The following SH3KBP1 variants were observed in gnomAD, a reference collection of about 807,000 sequenced individuals.
The protein encoded by SH3KBP1 is SH3 domain-containing kinase-binding protein 1.
In SH3KBP1, 8 loss-of-function variants were observed where a neutral mutation model predicts 50.1. The ratio of observed to expected loss-of-function variants is 0.16; its 90% confidence interval spans 0.09 to 0.29. The LOEUF (loss-of-function observed/expected upper bound fraction) is 0.29. Ranked by LOEUF, SH3KBP1 falls within the 10% of genes least tolerant of loss-of-function variation. The pLI is 1.00. For missense variants in SH3KBP1, 377 were observed against 535.2 expected (o/e 0.70, Z 2.92); for synonymous variants, 227 against 218.6 (o/e 1.04, Z -0.34).
At chrX:19,694,897 C>T (rs748714297) in intron 5 of SH3KBP1, 4 of 731,174 alleles carry the variant, frequency 5.5e-6, no homozygotes, top group South Asian at 2.4e-5. Flanking sequence ...CCTCCTACAA[C>T]ATTCATGCCC....
At chrX:19,730,930 T>C (rs1006741121) in intron 3 of SH3KBP1, among the ~76,000 whole-genome samples, 1 of 111,916 alleles carries the variant, frequency 8.9e-6, no homozygotes, top group Non-Finnish European at 1.9e-5. Flanking sequence ...TTTTATTTTA[T>C]TTTATTTATT....
chrX:19,660,470 G>A (rs978646100), intron 6 of SH3KBP1, among the ~76,000 whole-genome samples: 7 of 111,597 alleles, frequency 6.3e-5, no homozygotes, highest in African/African-American at 2.0e-4. Flanking sequence ...GGAGGAAAGC[G>A]ATAACTGAAA....
intron 13 of SH3KBP1, among the ~76,000 whole-genome samples, chrX:19,562,291 G>A (rs757295737): frequency 1.4e-4 from 16 of 111,267 alleles, no homozygotes; most frequent in Middle Eastern, 4.7e-3. Flanking sequence ...CAAGTAAAAC[G>A]GAAGCCATAA....
chrX:19,592,144 G>C lies in SH3KBP1; in HGVS notation c.1061C>G (p.Thr354Ser). The change falls in exon 11 of 18, where the codon ACC becomes AGC. Residue 354 changes from threonine to serine, a missense_variant. Coordinates refer to ENST00000397821, the MANE Select transcript of SH3KBP1 (RefSeq NM_031892.3). ...TTTAATTTCATGTTTTCTCTCAGTGGTGCCTAGGAGGGAAAGGGTAATAGT... is the reference window on the plus strand; with the variant it reads ...TTTAATTTCATGTTTTCTCTCAGTGCTGCCTAGGAGGGAAAGGGTAATAGT... ...SAPVIKQGAG[T>S]TERKHEIKKI... The C allele has an allele frequency of 8.4e-7, 1 of 1,188,209 alleles. No individual in the cohort carries two copies. Among genetic ancestry groups the C allele is most frequent in the Non-Finnish European group, 1.1e-6 (1 of 876,931 alleles).
chrX:19,658,938 A>G (rs769218417), intron 6 of SH3KBP1, among the ~76,000 whole-genome samples: 1 of 108,831 alleles, frequency 9.2e-6, no homozygotes, highest in Admixed American at 9.8e-5. Flanking sequence ...AGCTTCCTAA[A>G]TACAGCCAGA....
At chrX:19,783,303 G>A (rs1395158135) in intron 2 of SH3KBP1, among the ~76,000 whole-genome samples, 1 of 111,595 alleles carries the variant, frequency 9.0e-6, no homozygotes, top group East Asian at 2.8e-4. Context: ...ATATTTATGG[G>A]GTACATGTGC....
chrX:19,655,486 TA>T (rs929073287), intron 6 of SH3KBP1, among the ~76,000 whole-genome samples: 3 of 111,780 alleles, frequency 2.7e-5, no homozygotes, highest in African/African-American at 9.8e-5. Context: ...TACACAGCCA[TA>T]AAAAAGAATG....
At chrX:19,798,207 C>T (rs996927994) in intron 2 of SH3KBP1, among the ~76,000 whole-genome samples, 2 of 110,700 alleles carry the variant, frequency 1.8e-5, no homozygotes, top group East Asian at 5.6e-4. Context: ...GCCTCAGCCT[C>T]CTGAGTAGCT....
intron 6 of SH3KBP1, among the ~76,000 whole-genome samples, chrX:19,651,011 T>A (rs1602831132): frequency 8.9e-6 from 1 of 111,986 alleles, no homozygotes; most frequent in South Asian, 3.8e-4. Context: ...TTCAGAAAGA[T>A]CCCTAAACTG....
In SH3KBP1 at chrX:19,710,963, G is replaced by A. The variant is rs775545206; in HGVS notation, c.287-3979C>T. ...TATTGAGCACCTACTATGTGCCATA[G>A]ACTGCTAAGCACTTTACATATGCCA... On this transcript the variant is annotated intron_variant, in intron 3 of 17. Transcript: ENST00000397821. Among the ~76,000 whole-genome samples the A allele has an allele frequency of 5.4e-5, 6 of 111,544 alleles. No homozygotes were observed. The South Asian group carries it at 2.3e-3, about 42-fold the overall frequency.
chrX:19,546,173 C>T, intron 14 of SH3KBP1, 123 bp from the exon 15 acceptor site: 1 of 794,685 alleles, frequency 1.3e-6, no homozygotes, highest in Non-Finnish European at 1.8e-6. Flanking sequence ...TCACGATAAC[C>T]CTGTGAGGCA....
At chrX:19,608,986 GTTCA>G (rs1457458501) in intron 8 of SH3KBP1, among the ~76,000 whole-genome samples, 1 of 112,227 alleles carries the variant, frequency 8.9e-6, no homozygotes, top group Non-Finnish European at 1.9e-5. Flanking sequence ...TCTCTATTTT[GTTCA>G]TTCATTCATC....
At chrX:19,773,397 C>G (rs1488023157) in intron 2 of SH3KBP1, among the ~76,000 whole-genome samples, 1 of 110,696 alleles carries the variant, frequency 9.0e-6, no homozygotes, top group African/African-American at 3.3e-5. Context: ...AGTCTCTTAC[C>G]TACTGCTTTC....
At chrX:19,716,490 A>T (rs1299213008) in intron 3 of SH3KBP1, among the ~76,000 whole-genome samples, 1 of 112,262 alleles carries the variant, frequency 8.9e-6, no homozygotes, top group Non-Finnish European at 1.9e-5. Flanking sequence ...ACAAGTGGGT[A>T]TAGCTATGCC....
intron 6 of SH3KBP1, chrX:19,670,251 C>A (rs1026501316): frequency 1.1e-5 from 5 of 474,924 alleles, no homozygotes; most frequent in Non-Finnish European, 1.3e-5. Flanking sequence ...ACAAAACTAG[C>A]CAAATATCTT....
chrX:19,692,677 A>G (rs865874853), intron 5 of SH3KBP1, among the ~76,000 whole-genome samples: 47 of 89,062 alleles, frequency 5.3e-4, no homozygotes, highest in Non-Finnish European at 7.3e-4. Flanking sequence ...GTGTATGTAT[A>G]TATATATATA....
At chrX:19,644,316 T>C (rs1458230028) in intron 7 of SH3KBP1, among the ~76,000 whole-genome samples, 2 of 111,830 alleles carry the variant, frequency 1.8e-5, no homozygotes, top group East Asian at 2.8e-4. Flanking sequence ...AGAGTGACTA[T>C]GGTCAATAAT....
intron 2 of SH3KBP1, among the ~76,000 whole-genome samples, chrX:19,777,474 T>C (rs1408054583): frequency 9.0e-6 from 1 of 111,478 alleles, no homozygotes; most frequent in Admixed American, 9.5e-5. Flanking sequence ...TGAGTTCCTG[T>C]GAAGCCTTAA....
Position 19,668,965 on chromosome X carries a change from TATA to T in SH3KBP1, c.726+14855_726+14857del, listed in dbSNP as rs1569404988. On this transcript the variant is annotated intron_variant, in intron 6 of 17. Transcript: ENST00000397821. ...ATATATATATATATATATATATATA[TATA>T]TATATATTTTTTGAGACAGGCTGTC... Among the ~76,000 whole-genome samples, 81 of 53,652 alleles carry T rather than the reference TATA, an allele frequency of 1.5e-3. 2 individuals carry two copies. Among genetic ancestry groups the T allele is most frequent in the African/African-American group, 7.9e-3 (79 of 9,986 alleles). The allele number at this position is 53,652 out of a possible 115,157, so 46.6% of individuals were successfully genotyped here. A position where few individuals can be genotyped will look rare whatever the true frequency, so the allele number is the denominator to read the frequency against.
Sources: allele counts gnomAD v4.1 joint callset (sites outside exome capture counted in the v4.1 genomes callset), GRCh38; gene constraint gnomAD v4.1.1; transcripts MANE v1.5; gene names NCBI Gene and HGNC (gene_info 2026-07-23, HGNC 2026-07-21).